Variants in EPS8 observed in about 807,000 individuals in gnomAD.
EPS8 encodes the protein EGFR pathway substrate 8, signaling adaptor.
EPS8 carries 42 observed loss-of-function variants against 103.8 expected under a neutral mutation model. The observed-to-expected ratio is 0.40, with a 90% CI of 0.32 to 0.52. The LOEUF (loss-of-function observed/expected upper bound fraction) is 0.52, where lower values mean the gene tolerates loss of function less well. EPS8 is among the 20% of genes least tolerant of loss of function. The pLI is 0.40. For missense variants in EPS8, 969 were observed against 1,005.1 expected, an observed-to-expected ratio of 0.96 and a Z score of 0.49; for synonymous variants, 344 against 344.6, an observed-to-expected ratio of 1.00 and a Z score of 0.02.
intron 1 of EPS8, among the ~76,000 whole-genome samples, chr12:15,689,030 A>G (rs966378150): frequency 6.6e-6 from 1 of 152,144 alleles, no homozygotes; most frequent in African/African-American, 2.4e-5. Flanking sequence ...CCACACCGAC[A>G]TTGCATGCCC....
At chr12:15,649,539 A>C (rs1945376968) in intron 14 of EPS8, among the ~76,000 whole-genome samples, 1 of 152,124 alleles carries the variant, frequency 6.6e-6, no homozygotes, top group Admixed American at 6.5e-5. Context: ...TTGCCAACCG[A>C]GCAGTGAGGT....
chr12:15,656,412 A>G (rs568056495), intron 12 of EPS8, among the ~76,000 whole-genome samples: 1 of 152,328 alleles, frequency 6.6e-6, no homozygotes, highest in South Asian at 2.1e-4. Flanking sequence ...AGGAGCATTC[A>G]TAAGTTATTG....
At chr12:15,712,996 T>A (rs1411981157) in intron 1 of EPS8, 2 of 985,200 alleles carry the variant, frequency 2.0e-6, no homozygotes. Context: ...GGCATTGTAC[T>A]GTACCAAACA....
At position 15,620,258 on chromosome 12, in the gene EPS8, T is replaced by C. The variant is rs1329867980; in HGVS notation, c.*1059A>G. 6.6e-6 allele frequency: 1 copy of C among 152,662 alleles called. No individual in the cohort carries two copies. The highest frequency in any genetic ancestry group is 2.4e-5 in the African/African-American group (1 of 41,458). The allele number at this position is 152,662 out of a possible 1,614,324, so 9.5% of individuals were successfully genotyped here. A position where few individuals can be genotyped will look rare whatever the true frequency, so the allele number is the denominator to read the frequency against. On this transcript the variant is annotated 3_prime_UTR_variant, in exon 21 of 21. Transcript: ENST00000281172. ...AATGAATCTAGATAATTTCTCTAAA[T>C]GATTTATGTTAAAATATACAACATT... is the stretch of plus-strand genomic sequence containing the variant.
rs1361483561 is a variant in EPS8 at position 15,749,569 on chromosome 12, G to C, written c.-22+39592C>G. Among the ~76,000 whole-genome samples, 1 of 152,056 alleles carries C rather than the reference G, an allele frequency of 6.6e-6. No homozygotes were observed. Among genetic ancestry groups the C allele is most frequent in the Non-Finnish European group, 1.5e-5 (1 of 68,024 alleles). On this transcript the variant is annotated intron_variant, in intron 1 of 20. Coordinates refer to ENST00000281172, the MANE Select transcript of EPS8 (RefSeq NM_004447.6). The surrounding 1 kb of genome is among the most constrained non-coding windows in gnomAD (Gnocchi z 4.0). ...GCCTTTTGTTTATCTTCTTCACTCTGGCTGCGACTATGCCTCACTCAGAGA... is the reference window on the plus strand; with the variant it reads ...GCCTTTTGTTTATCTTCTTCACTCTCGCTGCGACTATGCCTCACTCAGAGA...
intron 13 of EPS8, among the ~76,000 whole-genome samples, chr12:15,651,297 T>C (rs1313034427): frequency 6.6e-6 from 1 of 152,206 alleles, no homozygotes; most frequent in African/African-American, 2.4e-5. Context: ...AACATGGATA[T>C]AGGTTTTTAA....
Position 15,696,261 on chromosome 12 carries a change from AAAAT to A in EPS8, c.-21-13293_-21-13290del, listed in dbSNP as rs1946241546. On this transcript the variant is annotated intron_variant, in intron 1 of 20. Transcript: ENST00000281172. This position sits in a 1 kb window ranked among gnomAD's most constrained non-coding sequence, Gnocchi z 4.8. ...TTCAGGTAGCAGTTTGAACATAAGC[AAAAT>A]AAAAGACAGTAGGGATGAAGAAACA... is the stretch of plus-strand genomic sequence containing the variant. 6.6e-6 allele frequency among the ~76,000 whole-genome samples: 1 copy of A among 152,210 alleles called. No individual in the cohort carries two copies. The highest frequency in any genetic ancestry group is 6.5e-5 in the Admixed American group (1 of 15,270).
rs528888239 is a variant in EPS8 at position 15,727,377 on chromosome 12, C to A, written c.-21-44405G>T. 6.6e-5 allele frequency among the ~76,000 whole-genome samples: 10 copies of A among 152,284 alleles called. 1 individual carries two copies. The South Asian group carries it at 2.1e-3, about 32-fold the overall frequency. On this transcript the variant is annotated intron_variant, in intron 1 of 20. Coordinates refer to ENST00000281172, the MANE Select transcript of EPS8 (RefSeq NM_004447.6). The surrounding 1 kb of genome is among the most constrained non-coding windows in gnomAD (Gnocchi z 4.3). The stretch of plus-strand genomic sequence containing the variant: ...CTAAATCAACAACTCATTTTATCAT[C>A]CCAAATTCATTGTTTTACTTGTGTC...
chr12:15,666,517 G>C lies in EPS8; in HGVS notation c.522C>G (p.Asn174Lys), dbSNP rs1945714053. The change falls in exon 7 of 21, where the codon AAC becomes AAG. Residue 174 changes from asparagine (N) to lysine (K), a missense_variant. Transcript: ENST00000281172. Reference sequence around the variant, plus strand: ...CACTTTCAATATCTTCACTAATTAGGTTTGCCTGCAAAGAGACACAAGTTA... The same window carrying C: ...CACTTTCAATATCTTCACTAATTAGCTTTGCCTGCAAAGAGACACAAGTTA... ...HLFQCDEVKA[N>K]LISEDIESAI... 6.2e-7 allele frequency: 1 copy of C among 1,612,454 alleles called. No individual in the cohort carries two copies. Among genetic ancestry groups the C allele is most frequent in the Admixed American group, 1.7e-5 (1 of 59,956 alleles).
rs1419693476 is a variant in EPS8 at position 15,706,369 on chromosome 12, T to C, written c.-21-23397A>G. Reference sequence around the variant, plus strand: ...GCCAAGTTCTTCCTTCCTCGAGGCCTATCACACTTGTCTAGAATAATTATC... The same window carrying C: ...GCCAAGTTCTTCCTTCCTCGAGGCCCATCACACTTGTCTAGAATAATTATC... On this transcript the variant is annotated intron_variant, in intron 1 of 20. Transcript: ENST00000281172. The surrounding 1 kb of genome is among the most constrained non-coding windows in gnomAD (Gnocchi z 5.2). Among the ~76,000 whole-genome samples the C allele has an allele frequency of 6.6e-6, 1 of 152,206 alleles. No homozygotes were observed. The highest frequency in any genetic ancestry group is 1.5e-5 in the Non-Finnish European group (1 of 68,026).
In EPS8 at chr12:15,717,731, G is replaced by A. The variant is rs1946548806; in HGVS notation, c.-21-34759C>T. Reference sequence around the variant, plus strand: ...CCATACTTAAATTAAGTGTATAGATGGCATTAGTAGTCTAAGTTAGGAAAA... The same window carrying A: ...CCATACTTAAATTAAGTGTATAGATAGCATTAGTAGTCTAAGTTAGGAAAA... On this transcript the variant is annotated intron_variant, in intron 1 of 20. Coordinates refer to ENST00000281172, the MANE Select transcript of EPS8 (RefSeq NM_004447.6). This position sits in a 1 kb window ranked among gnomAD's most constrained non-coding sequence, Gnocchi z 4.3. Among the ~76,000 whole-genome samples, 1 of 152,180 alleles carries A rather than the reference G, an allele frequency of 6.6e-6. No individual in the cohort carries two copies. The highest frequency in any genetic ancestry group is 2.1e-4 in the South Asian group (1 of 4,826).
rs1364284834 is a variant in EPS8 at position 15,738,199 on chromosome 12, CTAATA to C, written c.-22+50957_-22+50961del. ...CTAATTAATATCACTTTTATTCTAACTAATATTAGACTCATTTCTCAACTGCCAGC... is the reference window on the plus strand; with the variant it reads ...CTAATTAATATCACTTTTATTCTAACTTAGACTCATTTCTCAACTGCCAGC... On this transcript the variant is annotated intron_variant, in intron 1 of 20. Transcript: ENST00000281172. The surrounding 1 kb of genome is among the most constrained non-coding windows in gnomAD (Gnocchi z 6.2). Among the ~76,000 whole-genome samples the C allele has an allele frequency of 2.6e-5, 4 of 151,974 alleles. No homozygotes were observed. Among genetic ancestry groups the C allele is most frequent in the African/African-American group, 9.7e-5 (4 of 41,370 alleles).
Position 15,684,100 on chromosome 12 carries a change from T to G in EPS8, c.-21-1128A>C, listed in dbSNP as rs1156633997. The G allele has an allele frequency of 6.6e-6, 1 of 152,214 alleles. No individual in the cohort carries two copies. Among genetic ancestry groups the G allele is most frequent in the East Asian group, 1.9e-4 (1 of 5,206 alleles). The allele number at this position is 152,214 out of a possible 1,614,324, so 9.4% of individuals were successfully genotyped here. A position where few individuals can be genotyped will look rare whatever the true frequency, so the allele number is the denominator to read the frequency against. ...CAGATAATGAATAAGTGTAAAATTT[T>G]AAGTTGTACTTATCATTACAAAGGG... On this transcript the variant is annotated intron_variant, in intron 1 of 20. Coordinates refer to ENST00000281172, the MANE Select transcript of EPS8 (RefSeq NM_004447.6). The surrounding 1 kb of genome is among the most constrained non-coding windows in gnomAD (Gnocchi z 4.9).
chr12:15,773,328 T>C (rs1947174043), intron 1 of EPS8, among the ~76,000 whole-genome samples: 1 of 152,198 alleles, frequency 6.6e-6, no homozygotes, highest in African/African-American at 2.4e-5. Context: ...TTATTAATGG[T>C]TCTTTTACTA....
intron 1 of EPS8, among the ~76,000 whole-genome samples, chr12:15,703,841 GTATT>G (rs1220227750): frequency 1.1e-5 from 1 of 91,698 alleles, no homozygotes; most frequent in Non-Finnish European, 2.0e-5. Flanking sequence ...TCTGCTCTAT[GTATT>G]TGTTTTTTTT....
intron 17 of EPS8, among the ~76,000 whole-genome samples, chr12:15,637,349 C>T (rs1945153909): frequency 6.6e-6 from 1 of 152,224 alleles, no homozygotes; most frequent in African/African-American, 2.4e-5. Flanking sequence ...AATCACTATT[C>T]TCTAGAACAG....
rs533341083 is a variant in EPS8 at position 15,706,442 on chromosome 12, C to G, written c.-21-23470G>C. Among the ~76,000 whole-genome samples, 2 of 100,642 alleles carry G rather than the reference C, an allele frequency of 2.0e-5. No homozygotes were observed. The highest frequency in any genetic ancestry group is 1.0e-3 in the South Asian group (2 of 2,006). 66.0% of individuals were successfully genotyped at this position (100,642 alleles called of 152,430 possible). The stretch of plus-strand genomic sequence containing the variant: ...ATCTTGTATCTCAGCTTAAATGGCC[C>G]CTTCTTGGGAAACCATTCCCTGACT... On this transcript the variant is annotated intron_variant, in intron 1 of 20. Transcript: ENST00000281172. This position sits in a 1 kb window ranked among gnomAD's most constrained non-coding sequence, Gnocchi z 5.2.
chr12:15,621,413 G>A lies in EPS8; in HGVS notation c.2373C>T (p.Ser791=), dbSNP rs202235644. The change falls in exon 21 of 21, where the codon TCC becomes TCT. Residue 791 remains serine, a synonymous_variant. Transcript: ENST00000281172. The stretch of plus-strand genomic sequence containing the variant: ...GTCTTCTCATAATTTCTTGTAACTC[G>A]GAGCTGCCACTGCTATCCTGAAAGA... The part of the protein sequence containing the change: ...KAALEDSSGS[S]ELQEIMRRRQ... The A allele has an allele frequency of 4.2e-5, 67 of 1,599,016 alleles. No individual in the cohort carries two copies. The East Asian group carries it at 1.0e-3, about 25-fold the overall frequency.
At chr12:15,644,821 C>T (rs1424699616) in intron 15 of EPS8, among the ~76,000 whole-genome samples, 3 of 152,008 alleles carry the variant, frequency 2.0e-5, no homozygotes, top group East Asian at 3.9e-4. Flanking sequence ...AAACAAATTC[C>T]AAACCTCTGT....
Sources: gnomAD v4.1 joint callset for allele counts (sites outside exome capture counted in the v4.1 genomes callset) on GRCh38, gnomAD v4.1.1 for gene constraint, Gnocchi (gnomAD v3.1) non-coding constraint, MANE v1.5 for transcripts, NCBI Gene and HGNC (gene_info 2026-07-23, HGNC 2026-07-21) for gene names.